LRRC74A: variants seen among roughly 807,000 people sequenced by gnomAD.
LRRC74A encodes leucine-rich repeat-containing protein 74A.
Under a neutral mutation model 57.9 loss-of-function variants are expected in LRRC74A, and 44 were observed. The observed-to-expected ratio is 0.76, with a 90% CI of 0.60 to 0.98. The LOEUF is 0.98. LRRC74A is among the 50% of genes least tolerant of loss of function. LRRC74A has a pLI of 0.00. For missense variants in LRRC74A, 572 were observed against 574.0 expected, an observed-to-expected ratio of 1.00 and a Z score of 0.04; for synonymous variants, 211 against 219.4, an observed-to-expected ratio of 0.96 and a Z score of 0.34.
intron 3 of LRRC74A, 92 bp from the exon 4 acceptor site, chr14:76,836,115 C>T (rs1396462297): frequency 1.1e-6 from 1 of 888,436 alleles, no homozygotes; most frequent in Non-Finnish European, 1.8e-6. Context: ...CATCTCCACG[C>T]CCATTCACAT....
intron 10 of LRRC74A, 78 bp from the exon 11 acceptor site, chr14:76,860,615 A>C (rs1898220367): frequency 7.4e-7 from 1 of 1,346,348 alleles, no homozygotes; most frequent in Admixed American, 2.5e-5. Flanking sequence ...GCTTGGGTGG[A>C]AGGGGTAGGG....
In LRRC74A at chr14:76,853,261, G is replaced by A; in HGVS notation, c.808G>A (p.Gly270Arg). 6.2e-7 allele frequency: 1 copy of A among 1,613,626 alleles called. No individual in the cohort carries two copies. ...GCTGGATCTCTCCATGAATGGCTTTGGGAATGAGGTGGCTCTGGCCCTAGG... is the reference window on the plus strand; with the variant it reads ...GCTGGATCTCTCCATGAATGGCTTTAGGAATGAGGTGGCTCTGGCCCTAGG... The part of the protein sequence containing the change: ...TKLDLSMNGF[G>R]NEVALALGEV... Residue 270 changes from glycine to arginine, a missense_variant, in exon 9 of 14, where the codon GGG becomes AGG. Gly to Arg is a moderately radical substitution (Grantham distance 125). Coordinates refer to ENST00000689127, the MANE Select transcript of LRRC74A (RefSeq NM_001385106.1).
At chr14:76,845,910 C>T (rs867107070) in intron 7 of LRRC74A, among the ~76,000 whole-genome samples, 3 of 152,108 alleles carry the variant, frequency 2.0e-5, no homozygotes, top group Non-Finnish European at 4.4e-5. Flanking sequence ...CCTAGCTACT[C>T]GGGAAGCTGA....
At position 76,865,999 on chromosome 14, in the gene LRRC74A, T is replaced by C. The variant is rs1898757378; in HGVS notation, c.1232T>C (p.Val411Ala). 6.2e-7 allele frequency: 1 copy of C among 1,601,634 alleles called. No homozygotes were observed. Among genetic ancestry groups the C allele is most frequent in the Admixed American group, 1.7e-5 (1 of 59,386 alleles). The change falls in exon 12 of 14, where the codon GTG becomes GCG. Residue 411 changes from valine (V) to alanine (A), a missense_variant. Val to Ala is a moderately conservative substitution (Grantham distance 64, BLOSUM62 0). Transcript: ENST00000689127. ...SYADQHKITIVDFFKSLNPTG... is the reference protein window; with the variant it reads ...SYADQHKITIADFFKSLNPTG... ...GCAGACCAACACAAAATCACGATCG[T>C]GGACTTCTTCAAGAGCTTGAACCCC...
At chr14:76,837,164 C>T (rs1896413230) in intron 4 of LRRC74A, among the ~76,000 whole-genome samples, 1 of 152,066 alleles carries the variant, frequency 6.6e-6, no homozygotes, top group Non-Finnish European at 1.5e-5. Flanking sequence ...ATAAATGTAG[C>T]TCTGCATAGT....
At position 76,869,068 on chromosome 14, in the gene LRRC74A, T is replaced by TGTGCCTCCTCACCTGCCCC. The variant is rs11268689; in HGVS notation, c.1392-997_1392-979dup. ...CCTGTGCTGCTCAGCGGCCTGTCCC[T>TGTGCCTCCTCACCTGCCCC]GTGCCTCCTCACCTGCCCCGTGCCT... On this transcript the variant is annotated intron_variant, in intron 13 of 13. Coordinates refer to ENST00000689127, the MANE Select transcript of LRRC74A (RefSeq NM_001385106.1). 3.2e-3 allele frequency among the ~76,000 whole-genome samples: 300 copies of TGTGCCTCCTCACCTGCCCC among 93,048 alleles called. 2 individuals are homozygous for TGTGCCTCCTCACCTGCCCC. The highest frequency in any genetic ancestry group is 2.3e-3 in the East Asian group (7 of 3,066). 61.0% of individuals were successfully genotyped at this position (93,048 alleles called of 152,430 possible).
intron 4 of LRRC74A, among the ~76,000 whole-genome samples, chr14:76,836,791 C>CAAAAAA (rs11339843): frequency 1.1e-5 from 1 of 92,908 alleles, no homozygotes; most frequent in African/African-American, 4.3e-5. Flanking sequence ...GACTCCATCT[C>CAAAAAA]AAAAAAAAAA....
chr14:76,859,361 C>A (rs1032426044), intron 10 of LRRC74A, among the ~76,000 whole-genome samples: 1 of 151,928 alleles, frequency 6.6e-6, no homozygotes, highest in African/African-American at 2.4e-5. Context: ...ATGGAGAAAC[C>A]CCGTCTCTAC....
chr14:76,853,271 T>C lies in LRRC74A; in HGVS notation c.818T>C (p.Val273Ala). 1 of 1,613,656 alleles carries C rather than the reference T, an allele frequency of 6.2e-7. No individual in the cohort carries two copies. ...DLSMNGFGNEVALALGEVLRL... is the reference protein window; with the variant it reads ...DLSMNGFGNEAALALGEVLRL... ...TCCATGAATGGCTTTGGGAATGAGG[T>C]GGCTCTGGCCCTAGGGGAAGTCCTC... Residue 273 changes from valine (V) to alanine (A), a missense_variant, in exon 9 of 14, where the codon GTG becomes GCG. Physicochemically the swap from Val to Ala is moderately conservative, Grantham distance 64 (BLOSUM62 0). Coordinates refer to ENST00000689127, the MANE Select transcript of LRRC74A (RefSeq NM_001385106.1).
chr14:76,849,975 G>A (rs564373078), intron 7 of LRRC74A, among the ~76,000 whole-genome samples: 3 of 152,252 alleles, frequency 2.0e-5, no homozygotes, highest in East Asian at 1.9e-4. Flanking sequence ...TTGGGAGGCC[G>A]AGGCGGGCGG....
intron 7 of LRRC74A, among the ~76,000 whole-genome samples, chr14:76,847,215 T>C (rs1897165705): frequency 6.6e-6 from 1 of 152,144 alleles, no homozygotes; most frequent in African/African-American, 2.4e-5. Context: ...ACCATGGCAC[T>C]TGGCAGCATG....
In LRRC74A at chr14:76,852,422, G is replaced by A. The variant is rs777222724; in HGVS notation, c.734G>A (p.Gly245Glu). The change falls in exon 8 of 14, where the codon GGA (glycine) becomes GAA (glutamate). Residue 245 changes from glycine (G) to glutamate (E), a missense_variant. Physicochemically the swap from Gly to Glu is moderately conservative, Grantham distance 98 (BLOSUM62 -2). Transcript: ENST00000689127. ...AGCTGGAATAACTTCCACACAAGGG[G>A]AGCTGTGGCCTTGTGCAATGGTCTC... is the stretch of plus-strand genomic sequence containing the variant. The part of the protein sequence containing the change: ...DLSWNNFHTR[G>E]AVALCNGLRG... 8.1e-6 allele frequency: 13 copies of A among 1,611,154 alleles called. No individual in the cohort carries two copies. Among genetic ancestry groups the A allele is most frequent in the Admixed American group, 3.3e-5 (2 of 59,806 alleles).
chr14:76,838,244 C>A (rs1477731171), intron 5 of LRRC74A, among the ~76,000 whole-genome samples: 2 of 152,150 alleles, frequency 1.3e-5, no homozygotes, highest in Non-Finnish European at 2.9e-5. Context: ...TTAACTGGAA[C>A]CACAAGCAAA....
At chr14:76,861,823 C>T (rs1330192712) in intron 11 of LRRC74A, among the ~76,000 whole-genome samples, 3 of 152,144 alleles carry the variant, frequency 2.0e-5, no homozygotes, top group Admixed American at 2.0e-4. Flanking sequence ...GGGGAGCAGG[C>T]GTGGGGATGC....
At chr14:76,827,811 C>T (rs1271580705) in intron 1 of LRRC74A, among the ~76,000 whole-genome samples, 1 of 152,194 alleles carries the variant, frequency 6.6e-6, no homozygotes, top group Non-Finnish European at 1.5e-5. Context: ...TGGAACTGCT[C>T]CTGGTCCATT....
chr14:76,868,958 G>T (rs866117759), intron 13 of LRRC74A, among the ~76,000 whole-genome samples: 17 of 152,370 alleles, frequency 1.1e-4, no homozygotes, highest in Middle Eastern at 3.4e-3. Flanking sequence ...GGCACAGGGG[G>T]CGTCACTCGG....
chr14:76,864,139 G>A (rs1458190572), intron 11 of LRRC74A, among the ~76,000 whole-genome samples: 2 of 152,324 alleles, frequency 1.3e-5, no homozygotes, highest in Non-Finnish European at 2.9e-5. Context: ...GCAGCAGTGT[G>A]CTGCTTCAGA....
chr14:76,852,383 C>T lies in LRRC74A; in HGVS notation c.695C>T (p.Thr232Met), dbSNP rs138170515. The change falls in exon 8 of 14, where the codon ACG becomes ATG. Residue 232 changes from threonine to methionine, a missense_variant. By Grantham distance (81) the Thr-to-Met change is moderately conservative. Coordinates refer to ENST00000689127, the MANE Select transcript of LRRC74A (RefSeq NM_001385106.1). Reference protein sequence around the residue: ...GQMLAINVGLTSLDLSWNNFH... With the variant: ...GQMLAINVGLMSLDLSWNNFH... ...GTTTCAGCCATCAACGTGGGGCTCACGTCACTGGATCTGAGCTGGAATAAC... is the reference window on the plus strand; with the variant it reads ...GTTTCAGCCATCAACGTGGGGCTCATGTCACTGGATCTGAGCTGGAATAAC... 7.1e-5 allele frequency: 115 copies of T among 1,611,690 alleles called. No homozygotes were observed. The African/African-American group carries it at 1.2e-3, about 16-fold the overall frequency.
In LRRC74A at chr14:76,867,369, C is replaced by A; in HGVS notation, c.1322C>A (p.Pro441His). 6.3e-7 allele frequency: 1 copy of A among 1,580,674 alleles called. No individual in the cohort carries two copies. The highest frequency in any genetic ancestry group is 8.7e-7 in the Non-Finnish European group (1 of 1,151,248). The change falls in exon 13 of 14, where the codon CCC (proline) becomes CAC (histidine). Residue 441 changes from proline (P) to histidine (H), a missense_variant. Coordinates refer to ENST00000689127, the MANE Select transcript of LRRC74A (RefSeq NM_001385106.1). ...QKVMIEQNKV[P>H]LNQYQVREVI... ...CCACCTCCTCAGCAAAACAAGGTCC[C>A]CCTGAACCAGTACCAGGTCAGGGAG...
Sources: allele counts gnomAD v4.1 joint callset (sites outside exome capture counted in the v4.1 genomes callset), GRCh38; gene constraint gnomAD v4.1.1; transcripts MANE v1.5; gene names NCBI Gene and HGNC (gene_info 2026-07-23, HGNC 2026-07-21).